Variants in TBC1D12 observed in about 807,000 individuals in gnomAD.
TBC1D12 encodes the protein TBC1 domain family member 12.
A neutral mutation model predicts 86.7 loss-of-function variants in TBC1D12; 56 were observed. The observed-to-expected ratio is 0.65, with a 90% CI of 0.52 to 0.81. The LOEUF (loss-of-function observed/expected upper bound fraction) is 0.81. Ranked by LOEUF, TBC1D12 falls within the 30% of genes least tolerant of loss-of-function variation. TBC1D12 has a pLI of 0.00. For missense variants in TBC1D12, 1,023 were observed against 1,038.8 expected (o/e 0.98, Z 0.21); for synonymous variants, 421 against 411.7 (o/e 1.02, Z -0.27).
At chr10:94,406,908 C>G (rs1037520768) in intron 1 of TBC1D12, among the ~76,000 whole-genome samples, 1 of 152,150 alleles carries the variant, frequency 6.6e-6, no homozygotes, top group Non-Finnish European at 1.5e-5. Context: ...ATTTCCCAAT[C>G]CATGTTTATG....
At chr10:94,441,817 A>G in intron 1 of TBC1D12, 79 bp from the exon 2 acceptor site, 1 of 1,467,186 alleles carries the variant, frequency 6.8e-7, no homozygotes, top group East Asian at 2.4e-5. Flanking sequence ...TGCCTTGGGA[A>G]CAAACTTATT....
chr10:94,437,259 G>A (rs891782865), intron 1 of TBC1D12, among the ~76,000 whole-genome samples: 5 of 152,032 alleles, frequency 3.3e-5, no homozygotes, highest in African/African-American at 9.6e-5. Context: ...AGTTTATTCT[G>A]CTTAAAGTTG....
At chr10:94,457,028 C>T (rs1382190957) in intron 2 of TBC1D12, among the ~76,000 whole-genome samples, 1 of 152,152 alleles carries the variant, frequency 6.6e-6, no homozygotes, top group Non-Finnish European at 1.5e-5. Flanking sequence ...CTTTCTCCAT[C>T]CCTTTTTAAA....
chr10:94,458,988 G>C (rs1377738073), intron 2 of TBC1D12, among the ~76,000 whole-genome samples: 2 of 152,130 alleles, frequency 1.3e-5, no homozygotes, highest in African/African-American at 4.8e-5. Context: ...GGACCCAAGC[G>C]GGTTGGCGTT....
At chr10:94,465,779 CAT>C (rs2055805509) in intron 2 of TBC1D12, among the ~76,000 whole-genome samples, 1 of 142,008 alleles carries the variant, frequency 7.0e-6, no homozygotes, top group African/African-American at 2.7e-5. Context: ...TATACGCATA[CAT>C]ACATACATAT....
chr10:94,508,268 G>A (rs1213228737), intron 7 of TBC1D12, among the ~76,000 whole-genome samples: 2 of 150,912 alleles, frequency 1.3e-5, no homozygotes, highest in South Asian at 2.1e-4. Flanking sequence ...TTTTTGGTGG[G>A]GGATAGATAT....
chr10:94,414,691 C>T (rs2054975773), intron 1 of TBC1D12, among the ~76,000 whole-genome samples: 1 of 151,524 alleles, frequency 6.6e-6, no homozygotes, highest in Non-Finnish European at 1.5e-5. Context: ...CCTCCGCTTC[C>T]CAGGTTCCAG....
At chr10:94,419,872 A>G (rs896090490) in intron 1 of TBC1D12, among the ~76,000 whole-genome samples, 2 of 152,186 alleles carry the variant, frequency 1.3e-5, no homozygotes, top group Non-Finnish European at 2.9e-5. Context: ...TGTGGTTTAG[A>G]TATGGCTTTT....
intron 11 of TBC1D12, 41 bp from the exon 12 acceptor site, chr10:94,531,161 G>T: frequency 6.3e-7 from 1 of 1,586,044 alleles, no homozygotes; most frequent in Non-Finnish European, 8.6e-7. Context: ...ATGAGTCAAT[G>T]AATGAAAAAT....
intron 4 of TBC1D12, 108 bp downstream of exon 4, chr10:94,493,555 T>G (rs765718563): frequency 4.9e-4 from 436 of 891,498 alleles, no homozygotes; most frequent in Non-Finnish European, 6.9e-4. Flanking sequence ...TTTTTTTTAT[T>G]TCTTTTTTCG....
At chr10:94,429,517 A>G (rs1157245131) in intron 1 of TBC1D12, among the ~76,000 whole-genome samples, 1 of 152,168 alleles carries the variant, frequency 6.6e-6, no homozygotes, top group East Asian at 1.9e-4. Flanking sequence ...AAGGGTAACC[A>G]AAGTACTGAG....
intron 2 of TBC1D12, among the ~76,000 whole-genome samples, chr10:94,473,370 AAAG>A (rs1168142452): frequency 6.6e-6 from 1 of 151,872 alleles, no homozygotes; most frequent in Non-Finnish European, 1.5e-5. Context: ...CAAAAAAAAA[AAAG>A]AAGAAAAAGA....
chr10:94,429,193 T>C (rs1454867280), intron 1 of TBC1D12, among the ~76,000 whole-genome samples: 1 of 152,162 alleles, frequency 6.6e-6, no homozygotes, highest in Non-Finnish European at 1.5e-5. Flanking sequence ...TCTCTTGTTT[T>C]GACAGAGTGG....
chr10:94,454,423 C>G (rs1043789511), intron 2 of TBC1D12, among the ~76,000 whole-genome samples: 4 of 152,140 alleles, frequency 2.6e-5, no homozygotes, highest in Non-Finnish European at 4.4e-5. Flanking sequence ...GTTTGTCAGG[C>G]TGGTCTTGAA....
chr10:94,424,802 A>G (rs1224749938), intron 1 of TBC1D12, among the ~76,000 whole-genome samples: 1 of 152,196 alleles, frequency 6.6e-6, no homozygotes, highest in Non-Finnish European at 1.5e-5. Context: ...ATATCGAAGC[A>G]GATTTCCTGT....
chr10:94,429,962 T>C (rs1296929949), intron 1 of TBC1D12, among the ~76,000 whole-genome samples: 1 of 152,134 alleles, frequency 6.6e-6, no homozygotes, highest in Non-Finnish European at 1.5e-5. Flanking sequence ...TCTCGAACTC[T>C]TGGACGCAAG....
intron 2 of TBC1D12, among the ~76,000 whole-genome samples, chr10:94,461,998 G>A (rs1480034076): frequency 9.2e-5 from 14 of 152,108 alleles, no homozygotes; most frequent in Non-Finnish European, 2.1e-4. Flanking sequence ...TCCTGGAATG[G>A]CAATTTCTAA....
intron 8 of TBC1D12, among the ~76,000 whole-genome samples, chr10:94,511,276 G>A (rs1263117626): frequency 6.6e-6 from 1 of 151,340 alleles, no homozygotes; most frequent in African/African-American, 2.4e-5. Flanking sequence ...TTTTGTATTT[G>A]TAGTAGAGAT....
chr10:94,462,422 C>G (rs1037738056), intron 2 of TBC1D12, among the ~76,000 whole-genome samples: 8 of 152,120 alleles, frequency 5.3e-5, no homozygotes, highest in African/African-American at 1.9e-4. Flanking sequence ...GTAGTAATCC[C>G]CTTTCACTTC....
Sources: allele counts gnomAD v4.1 joint callset (sites outside exome capture counted in the v4.1 genomes callset), GRCh38; gene constraint gnomAD v4.1.1; transcripts MANE v1.5; gene names NCBI Gene and HGNC (gene_info 2026-07-23, HGNC 2026-07-21).